TTLL9: variants seen among roughly 807,000 people sequenced by gnomAD.
The protein encoded by TTLL9 is tubulin tyrosine ligase like 9.
TTLL9 carries 47 observed loss-of-function variants against 65.6 expected under a neutral mutation model. The ratio of observed to expected loss-of-function variants is 0.72; its 90% confidence interval spans 0.57 to 0.91. TTLL9 has a LOEUF of 0.91. Among genes scored for constraint, TTLL9 ranks in the 40% least tolerant of loss-of-function variants. The probability of loss-of-function intolerance (pLI) is 0.00; values close to 1 mark genes in which losing one functional copy is unlikely to be tolerated. For missense variants in TTLL9, 537 were observed against 568.8 expected (o/e 0.94, Z 0.57); for synonymous variants, 179 against 204.8 (o/e 0.87, Z 1.07).
In TTLL9 at chr20:31,934,901, G is replaced by C; in HGVS notation, c.1004+13G>C. 4 of 1,604,980 alleles carry C rather than the reference G, an allele frequency of 2.5e-6. No homozygotes were observed. Among genetic ancestry groups the C allele is most frequent in the Non-Finnish European group, 3.4e-6 (4 of 1,174,120 alleles). ...AGGACCTCAAGCCGTAAGTGGGTGG[G>C]TGGGAGAGCCAGGAGGTCATAGTTT... On this transcript the variant is annotated intron_variant, in intron 12 of 14. Coordinates refer to ENST00000535842, the MANE Select transcript of TTLL9 (RefSeq NM_001008409.5).
intron 2 of TTLL9, 140 bp from the exon 3 acceptor site, chr20:31,887,056 C>A: frequency 1.3e-6 from 1 of 780,030 alleles, no homozygotes; most frequent in Non-Finnish European, 2.1e-6. Flanking sequence ...GGAACTTGAT[C>A]AGGCTGGACC....
chr20:31,894,720 TACAC>T (rs10582768), intron 3 of TTLL9, among the ~76,000 whole-genome samples: 25,360 of 148,898 alleles, frequency 0.17, 2,528 homozygotes, highest in African/African-American at 0.29. Context: ...TACATGTATA[TACAC>T]ACACACACAC....
chr20:31,925,888 G>T, intron 9 of TTLL9, 161 bp from the exon 10 acceptor site: 4 of 1,551,676 alleles, frequency 2.6e-6, no homozygotes, highest in Non-Finnish European at 3.5e-6. Context: ...CCCGCTGCGG[G>T]CCTGGCTCTA....
At chr20:31,939,383 C>A in intron 14 of TTLL9, 117 bp downstream of exon 14, 2 of 1,249,834 alleles carry the variant, frequency 1.6e-6, no homozygotes, top group Non-Finnish European at 2.2e-6. Flanking sequence ...TGCAACTTAC[C>A]AGCTGTGTGA....
chr20:31,902,302 A>C (rs2063490926), intron 4 of TTLL9, among the ~76,000 whole-genome samples: 1 of 152,124 alleles, frequency 6.6e-6, no homozygotes, highest in Non-Finnish European at 1.5e-5. Context: ...ACAATATGTA[A>C]CCTTTTTCCT....
chr20:31,930,470 T>G (rs1425115790), intron 10 of TTLL9, among the ~76,000 whole-genome samples: 1 of 152,246 alleles, frequency 6.6e-6, no homozygotes, highest in Non-Finnish European at 1.5e-5. Context: ...TTTTCCCAGA[T>G]GGGGTCCTAC....
intron 3 of TTLL9, among the ~76,000 whole-genome samples, chr20:31,895,826 T>C (rs1043637584): frequency 6.7e-5 from 5 of 74,970 alleles, no homozygotes; most frequent in African/African-American, 3.5e-4. Context: ...TTTATTTATT[T>C]ATTTATTTAT....
At chr20:31,900,212 A>G (rs1014480711) in intron 4 of TTLL9, among the ~76,000 whole-genome samples, 1 of 152,216 alleles carries the variant, frequency 6.6e-6, no homozygotes, top group African/African-American at 2.4e-5. Flanking sequence ...GCTGCTTACC[A>G]TTAGCTAAGT....
chr20:31,890,092 CTTTCCCTCCCTTCCTTCCTT>C (rs2063275817), intron 3 of TTLL9, among the ~76,000 whole-genome samples: 4 of 116,876 alleles, frequency 3.4e-5, no homozygotes, highest in African/African-American at 1.6e-4. Context: ...TTCTTGCTTT[CTTTCCCTCCCTTCCTTCCTT>C]CCTTCCTTCC....
intron 6 of TTLL9, among the ~76,000 whole-genome samples, chr20:31,918,992 G>C (rs189567862): frequency 6.6e-6 from 1 of 152,132 alleles, no homozygotes; most frequent in Non-Finnish European, 1.5e-5. Context: ...AGAGAGCCTC[G>C]GGTGGGCCAG....
intron 3 of TTLL9, among the ~76,000 whole-genome samples, chr20:31,893,710 G>C (rs1020996871): frequency 2.0e-5 from 3 of 147,926 alleles, no homozygotes; most frequent in African/African-American, 7.5e-5. Context: ...TCAGCAATTT[G>C]ACTATGGTTT....
chr20:31,931,092 T>G (rs559484407), intron 10 of TTLL9, among the ~76,000 whole-genome samples: 2,885 of 150,660 alleles, frequency 0.019, 90 homozygotes, highest in African/African-American at 0.066. Flanking sequence ...TTTTTTTTTT[T>G]TTTTCAAGAC....
chr20:31,908,498 T>G, intron 4 of TTLL9, 93 bp from the exon 5 acceptor site: 1 of 817,176 alleles, frequency 1.2e-6, no homozygotes, highest in Non-Finnish European at 2.1e-6. Context: ...CTGTGTACCC[T>G]TCCTCAAGCC....
At chr20:31,871,609 G>T (rs778557974) in intron 2 of TTLL9, among the ~76,000 whole-genome samples, 67 of 152,178 alleles carry the variant, frequency 4.4e-4, no homozygotes, top group Non-Finnish European at 8.5e-4. Context: ...AGTGATTGGA[G>T]AAAAATAAAA....
intron 6 of TTLL9, among the ~76,000 whole-genome samples, chr20:31,913,581 T>C (rs1483312697): frequency 6.6e-6 from 1 of 152,106 alleles, no homozygotes; most frequent in African/African-American, 2.4e-5. Context: ...CTCTGCATTG[T>C]TTTCCTGGTG....
In TTLL9 at chr20:31,943,156, G is replaced by A. The variant is rs2064248154; in HGVS notation, c.*135G>A. ...TGGCACCAGCTTTGCTGGCTTAGCAGCTGCAGCTTACTACCTGAATTGGGC... is the reference window on the plus strand; with the variant it reads ...TGGCACCAGCTTTGCTGGCTTAGCAACTGCAGCTTACTACCTGAATTGGGC... On this transcript the variant is annotated 3_prime_UTR_variant, in exon 15 of 15. Transcript: ENST00000535842. 13 of 818,434 alleles carry A rather than the reference G, an allele frequency of 1.6e-5. No individual in the cohort carries two copies. The South Asian group carries it at 1.8e-4, about 11-fold the overall frequency. The allele number at this position is 818,434 out of a possible 1,614,324, so 50.7% of individuals were successfully genotyped here.
Position 31,922,980 on chromosome 20 carries a change from C to T in TTLL9, c.591C>T (p.Asp197=), listed in dbSNP as rs749750682. The T allele has an allele frequency of 5.0e-5, 81 of 1,613,594 alleles. No individual in the cohort carries two copies. Among genetic ancestry groups the T allele is most frequent in the East Asian group, 6.7e-5 (3 of 44,902 alleles). Residue 197 remains aspartate, a synonymous_variant, in exon 8 of 15, where the codon GAC becomes GAT. Coordinates refer to ENST00000535842, the MANE Select transcript of TTLL9 (RefSeq NM_001008409.5). ...ACAACTAGGACACAAGAAGCTCTGA[C>T]GACCAGAAAGATGATATTCCCGTGG... ...VDWRKDTRSS[D]DQKDDIPVEN...
At chr20:31,875,449 G>A (rs2063025282) in intron 2 of TTLL9, among the ~76,000 whole-genome samples, 1 of 152,152 alleles carries the variant, frequency 6.6e-6, no homozygotes, top group African/African-American at 2.4e-5. Context: ...AAACAGGTTT[G>A]GAAACCTCGT....
intron 14 of TTLL9, chr20:31,940,574 C>G (rs56377461): frequency 6.6e-6 from 1 of 152,228 alleles, no homozygotes; most frequent in Non-Finnish European, 1.5e-5. Context: ...CTCCCAAAAC[C>G]TAGCAGCTTA....
Sources: allele counts gnomAD v4.1 joint callset (sites outside exome capture counted in the v4.1 genomes callset), GRCh38; gene constraint gnomAD v4.1.1; transcripts MANE v1.5; gene names NCBI Gene and HGNC (gene_info 2026-07-23, HGNC 2026-07-21).